Variants in ULK2 observed in about 807,000 individuals in gnomAD.
ULK2 encodes the protein serine/threonine-protein kinase ULK2.
Under a neutral mutation model 127.5 loss-of-function variants are expected in ULK2, and 76 were observed. The observed-to-expected ratio is 0.60, with a 90% CI of 0.50 to 0.72. The LOEUF is 0.72. Ranked by LOEUF, ULK2 falls within the 30% of genes least tolerant of loss-of-function variation. ULK2 has a pLI of 0.00. For synonymous variants in ULK2, 452 were observed against 461.9 expected (o/e 0.98, Z 0.28); for missense variants, 1,144 against 1,295.9 (o/e 0.88, Z 1.80).
intron 25 of ULK2, among the ~76,000 whole-genome samples, chr17:19,778,794 C>CA (rs1360886903): frequency 2.0e-5 from 3 of 151,600 alleles, no homozygotes; most frequent in African/African-American, 7.3e-5. Context: ...AAGCAGCTAA[C>CA]AATAAAGCAA....
intron 15 of ULK2, among the ~76,000 whole-genome samples, chr17:19,802,983 C>T (rs534792139): frequency 7.5e-4 from 114 of 152,264 alleles, no homozygotes; most frequent in Non-Finnish European, 1.2e-3. Context: ...AAAAGAAACA[C>T]CTGTCAAGGT....
At chr17:19,799,435 C>T in intron 17 of ULK2, 60 bp downstream of exon 17, 7 of 1,336,958 alleles carry the variant, frequency 5.2e-6, no homozygotes, top group Non-Finnish European at 7.0e-6. Context: ...TAGAAAAACA[C>T]AACTCAAATC....
At chr17:19,862,914 T>C (rs779425924) in intron 3 of ULK2, among the ~76,000 whole-genome samples, 35 of 152,070 alleles carry the variant, frequency 2.3e-4, no homozygotes, top group South Asian at 6.2e-4. Flanking sequence ...TAATAGTCAC[T>C]CAAAAACTTG....
At chr17:19,804,878 T>C (rs948252227) in intron 14 of ULK2, 48 bp from the exon 15 acceptor site, 7 of 1,596,162 alleles carry the variant, frequency 4.4e-6, no homozygotes, top group African/African-American at 1.3e-5. Flanking sequence ...GGTAGGATTG[T>C]TTTTCTTTCA....
chr17:19,811,187 AT>A (rs2087632291), intron 13 of ULK2: 1 of 152,206 alleles, frequency 6.6e-6, no homozygotes, highest in Admixed American at 6.5e-5. Context: ...GGGGAAGTCC[AT>A]TTTTATTTAA....
At position 19,846,917 on chromosome 17, in the gene ULK2, C is replaced by T. The variant is rs1231285653; in HGVS notation, c.296-7G>A. The T allele has an allele frequency of 2.5e-6, 4 of 1,599,374 alleles. No individual in the cohort carries two copies. Among genetic ancestry groups the T allele is most frequent in the Non-Finnish European group, 3.4e-6 (4 of 1,173,180 alleles). On this transcript the variant is annotated splice_region_variant and splice_polypyrimidine_tract_variant and intron_variant, in intron 5 of 26. Transcript: ENST00000395544. Reference sequence around the variant, plus strand: ...TCACTGAGAGTCCCTTTCGCTGGTACAAAAGGAGTCACGTAAATATTTAAG... The same window carrying T: ...TCACTGAGAGTCCCTTTCGCTGGTATAAAAGGAGTCACGTAAATATTTAAG...
intron 12 of ULK2, among the ~76,000 whole-genome samples, chr17:19,821,136 A>T (rs1414044911): frequency 6.6e-6 from 1 of 152,132 alleles, no homozygotes; most frequent in Non-Finnish European, 1.5e-5. Flanking sequence ...GCGAAACCCC[A>T]TCTCTACTAA....
chr17:19,773,671 C>T lies in ULK2; in HGVS notation c.*2678G>A, dbSNP rs1170620455. 6.6e-6 allele frequency: 1 copy of T among 152,234 alleles called. No homozygotes were observed. Among genetic ancestry groups the T allele is most frequent in the Non-Finnish European group, 1.5e-5 (1 of 68,060 alleles). 9.4% of individuals were successfully genotyped at this position (152,234 alleles called of 1,614,324 possible). On this transcript the variant is annotated 3_prime_UTR_variant, in exon 27 of 27. Coordinates refer to ENST00000395544, the MANE Select transcript of ULK2 (RefSeq NM_014683.4). ...GGCGAGCTGGAGGGAGGGATGGATG[C>T]TATCCTTCTCTGGACTGAAGCAGTT...
intron 3 of ULK2, among the ~76,000 whole-genome samples, chr17:19,853,700 T>C (rs927818268): frequency 6.6e-6 from 1 of 151,718 alleles, no homozygotes; most frequent in Non-Finnish European, 1.5e-5. Flanking sequence ...GCCTCCCGAG[T>C]AGCTGGGACT....
At chr17:19,847,181 T>G (rs893194556) in intron 5 of ULK2, among the ~76,000 whole-genome samples, 1 of 152,210 alleles carries the variant, frequency 6.6e-6, no homozygotes, top group Non-Finnish European at 1.5e-5. Flanking sequence ...ATGTTTTTAC[T>G]GCTGAAGGTG....
chr17:19,800,948 T>C (rs1471183344), intron 16 of ULK2, among the ~76,000 whole-genome samples: 1 of 152,176 alleles, frequency 6.6e-6, no homozygotes, highest in African/African-American at 2.4e-5. Context: ...TTGTTTTTCC[T>C]TTTGGTAGGG....
At chr17:19,812,471 T>C (rs776557160) in intron 13 of ULK2, among the ~76,000 whole-genome samples, 2 of 152,214 alleles carry the variant, frequency 1.3e-5, no homozygotes, top group East Asian at 1.9e-4. Context: ...CCGAATATCA[T>C]GGCTAAGCCC....
At chr17:19,794,527 A>G (rs2087223376) in intron 20 of ULK2, among the ~76,000 whole-genome samples, 1 of 152,230 alleles carries the variant, frequency 6.6e-6, no homozygotes, top group South Asian at 2.1e-4. Context: ...AAAGAAGCCA[A>G]GGACAAAAAC....
chr17:19,780,903 T>A, intron 24 of ULK2, 83 bp downstream of exon 24: 1 of 1,276,566 alleles, frequency 7.8e-7, no homozygotes, highest in East Asian at 2.3e-5. Context: ...CAGTGAGTAC[T>A]CATCAGACAC....
intron 26 of ULK2, 53 bp downstream of exon 26, chr17:19,777,528 G>A: frequency 6.4e-7 from 1 of 1,552,218 alleles, no homozygotes; most frequent in South Asian, 1.2e-5. Context: ...CTATGCTTGT[G>A]ATAGACAACT....
At chr17:19,836,370 C>T (rs1222836721) in intron 10 of ULK2, among the ~76,000 whole-genome samples, 1 of 152,040 alleles carries the variant, frequency 6.6e-6, no homozygotes, top group African/African-American at 2.4e-5. Context: ...GATCGCGCCA[C>T]TGCACTCCAG....
In ULK2 at chr17:19,774,508, T is replaced by C. The variant is rs1279683424; in HGVS notation, c.*1841A>G. The stretch of plus-strand genomic sequence containing the variant: ...CAACTGAGATAACACAGGTGATAAC[T>C]GAAAGAACATGAATGAAATTTCACT... On this transcript the variant is annotated 3_prime_UTR_variant, in exon 27 of 27. Coordinates refer to ENST00000395544, the MANE Select transcript of ULK2 (RefSeq NM_014683.4). The C allele has an allele frequency of 2.6e-5, 4 of 152,158 alleles. No individual in the cohort carries two copies. Among genetic ancestry groups the C allele is most frequent in the Non-Finnish European group, 5.9e-5 (4 of 68,024 alleles). 9.4% of individuals were successfully genotyped at this position (152,158 alleles called of 1,614,324 possible).
intron 12 of ULK2, among the ~76,000 whole-genome samples, chr17:19,819,395 T>C (rs768387324): frequency 3.9e-5 from 6 of 152,162 alleles, no homozygotes; most frequent in South Asian, 4.1e-4. Context: ...TGTGAGTACA[T>C]ACTTCTCATT....
intron 15 of ULK2, 88 bp from the exon 16 acceptor site, chr17:19,802,010 G>C (rs190101210): frequency 7.6e-6 from 11 of 1,438,728 alleles, no homozygotes; most frequent in Middle Eastern, 2.3e-4. Context: ...AATATGCCAC[G>C]GAGTAGTTTT....
Sources: gnomAD v4.1 joint callset for allele counts (sites outside exome capture counted in the v4.1 genomes callset) on GRCh38, gnomAD v4.1.1 for gene constraint, MANE v1.5 for transcripts, NCBI Gene and HGNC (gene_info 2026-07-23, HGNC 2026-07-21) for gene names.